POU2AF3: variants seen among roughly 807,000 people sequenced by gnomAD.
The protein encoded by POU2AF3 is cancer susceptibility candidate 13.
the POU2AF3 span, among the ~76,000 whole-genome samples, chr11:111,301,696 G>A: frequency 6.9e-3 from 1,047 of 152,220 alleles, 10 homozygotes; most frequent in African/African-American, 0.021. Context: ...CTGTTTATTC[G>A]TCTTCAAATT....
chr11:111,306,643 T>C, the POU2AF3 span: 2 of 1,516,006 alleles, frequency 1.3e-6, no homozygotes, highest in Non-Finnish European at 1.8e-6. Context: ...CTCAGTTCTT[T>C]ATATACCTGA....
At chr11:111,304,971 C>T in the POU2AF3 span, 2 of 1,232,588 alleles carry the variant, frequency 1.6e-6, no homozygotes, top group African/African-American at 3.1e-5. Context: ...CCAGTTGCAC[C>T]ATCTTCTGCA....
the POU2AF3 span, chr11:111,307,998 C>T: frequency 7.2e-7 from 1 of 1,394,384 alleles, no homozygotes; most frequent in Non-Finnish European, 9.5e-7. Flanking sequence ...CATTGGTAAA[C>T]CCACACTGTT....
chr11:111,308,217 A>C, the POU2AF3 span: 2 of 1,551,756 alleles, frequency 1.3e-6, no homozygotes, highest in Non-Finnish European at 1.7e-6. Context: ...CCAGAAGACC[A>C]TTCCTACCAA....
the POU2AF3 span, among the ~76,000 whole-genome samples, chr11:111,302,479 G>A: frequency 6.6e-6 from 1 of 152,182 alleles, no homozygotes; most frequent in Non-Finnish European, 1.5e-5. Flanking sequence ...ATGTGAGTGT[G>A]GCACTTCTGT....
chr11:111,304,674 G>C, the POU2AF3 span, among the ~76,000 whole-genome samples: 1 of 151,918 alleles, frequency 6.6e-6, no homozygotes, highest in East Asian at 1.9e-4. Context: ...TACACCTACC[G>C]CAATTCTATG....
At chr11:111,306,400 A>G in the POU2AF3 span, 1 of 1,454,618 alleles carries the variant, frequency 6.9e-7, no homozygotes, top group Non-Finnish European at 9.0e-7. Context: ...CTAGGACTGT[A>G]TTTTGAGCCT....
chr11:111,299,530 CCCG>C, the POU2AF3 span: 1 of 1,179,794 alleles, frequency 8.5e-7, no homozygotes, highest in Non-Finnish European at 1.0e-6. Context: ...CTTGAGCGCG[CCCG>C]CCACCTCCCG....
chr11:111,304,563 G>T, the POU2AF3 span, among the ~76,000 whole-genome samples: 1 of 152,122 alleles, frequency 6.6e-6, no homozygotes. Context: ...TCTGTTTTAT[G>T]ATTCGATTTC....
the POU2AF3 span, chr11:111,298,826 GCC>G: frequency 2.4e-5 from 19 of 790,948 alleles, no homozygotes; most frequent in South Asian, 2.0e-4. Flanking sequence ...CGTACCCCAG[GCC>G]CCCGCCCGCC....
At chr11:111,308,604 C>T in the POU2AF3 span, 10 of 607,530 alleles carry the variant, frequency 1.6e-5, no homozygotes, top group African/African-American at 3.7e-5. Flanking sequence ...TCCTCAGACC[C>T]GGTCACAGCG....
At chr11:111,306,407 G>A in the POU2AF3 span, 4 of 1,459,100 alleles carry the variant, frequency 2.7e-6, no homozygotes, top group Admixed American at 2.7e-5. Flanking sequence ...TGTATTTTGA[G>A]CCTGAACCAA....
At chr11:111,299,048 G>T in the POU2AF3 span, 2 of 989,874 alleles carry the variant, frequency 2.0e-6, no homozygotes, top group African/African-American at 3.5e-5. Flanking sequence ...GAACGGGGTG[G>T]TGGGGCTGCG....
chr11:111,298,972 G>T, the POU2AF3 span: 6 of 1,010,526 alleles, frequency 5.9e-6, no homozygotes, highest in Non-Finnish European at 7.1e-6. Context: ...ACTGAGCCGA[G>T]CTGTGGCGGT....
chr11:111,308,101 C>T, the POU2AF3 span: 4 of 1,530,900 alleles, frequency 2.6e-6, no homozygotes, highest in East Asian at 4.9e-5. Context: ...CCTCCATTCT[C>T]TCTGGCTCCT....
At chr11:111,298,596 G>C in the POU2AF3 span, 2 of 1,246,460 alleles carry the variant, frequency 1.6e-6, no homozygotes, top group Non-Finnish European at 2.0e-6. Flanking sequence ...CGGGTAACTC[G>C]GCTGCTTCTC....
chr11:111,299,120 T>C, the POU2AF3 span: 2 of 963,042 alleles, frequency 2.1e-6, no homozygotes, highest in African/African-American at 1.8e-5. Flanking sequence ...CGGGATTCCC[T>C]GGGTCCGGGC....
the POU2AF3 span, among the ~76,000 whole-genome samples, chr11:111,301,777 A>C: frequency 6.6e-6 from 1 of 152,248 alleles, no homozygotes; most frequent in Non-Finnish European, 1.5e-5. Flanking sequence ...TGCTTTCCAC[A>C]TAGTGAGTGC....
chr11:111,308,605 G>T, the POU2AF3 span: 2 of 605,700 alleles, frequency 3.3e-6, no homozygotes, highest in South Asian at 6.4e-5. Flanking sequence ...CCTCAGACCC[G>T]GTCACAGCGC....
Sources: gnomAD v4.1 joint callset for allele counts (sites outside exome capture counted in the v4.1 genomes callset) on GRCh38, gnomAD v4.1.1 for gene constraint, MANE v1.5 for transcripts, NCBI Gene and HGNC (gene_info 2026-07-23, HGNC 2026-07-21) for gene names.